CCDC60: variants seen among roughly 807,000 people sequenced by gnomAD.
CCDC60 encodes the protein coiled-coil domain containing 60.
CCDC60 carries 54 observed loss-of-function variants against 63.5 expected under a neutral mutation model. That is an observed-to-expected ratio of 0.85 (90% CI 0.68 to 1.07). The LOEUF (loss-of-function observed/expected upper bound fraction) is 1.07. Ranked by LOEUF, CCDC60 falls within the 50% of genes least tolerant of loss-of-function variation. The pLI is 0.00. For synonymous variants in CCDC60, 206 were observed against 238.8 expected (o/e 0.86, Z 1.27); for missense variants, 651 against 684.3 (o/e 0.95, Z 0.54).
intron 2 of CCDC60, among the ~76,000 whole-genome samples, chr12:119,469,145 G>A (rs1357234053): frequency 6.6e-6 from 1 of 152,132 alleles, no homozygotes; most frequent in Non-Finnish European, 1.5e-5. Context: ...AGTCAACAAT[G>A]TCCTGTGGAA....
At chr12:119,415,923 G>T (rs1038190250) in intron 1 of CCDC60, among the ~76,000 whole-genome samples, 9 of 152,084 alleles carry the variant, frequency 5.9e-5, no homozygotes, top group Non-Finnish European at 8.8e-5. Context: ...GCTGATCCCT[G>T]GATTAGATAA....
At chr12:119,439,037 T>C (rs1950381545) in intron 2 of CCDC60, among the ~76,000 whole-genome samples, 1 of 150,340 alleles carries the variant, frequency 6.7e-6, no homozygotes, top group Non-Finnish European at 1.5e-5. Context: ...CATCTTCTGC[T>C]CTCCAGGCTT....
intron 3 of CCDC60, among the ~76,000 whole-genome samples, chr12:119,476,829 G>A (rs550229364): frequency 1.6e-4 from 25 of 152,050 alleles, no homozygotes; most frequent in Non-Finnish European, 3.2e-4. Context: ...CTCCTCTACA[G>A]AGTCTTTACA....
chr12:119,438,582 G>A (rs1340698645), intron 2 of CCDC60, among the ~76,000 whole-genome samples: 8 of 151,760 alleles, frequency 5.3e-5, no homozygotes, highest in Non-Finnish European at 1.0e-4. Context: ...TGTTATGGGA[G>A]AGAGAGATAA....
chr12:119,431,790 T>C (rs1032310827), intron 2 of CCDC60, among the ~76,000 whole-genome samples: 1 of 152,208 alleles, frequency 6.6e-6, no homozygotes, highest in Non-Finnish European at 1.5e-5. Context: ...GCCATTCTCC[T>C]GCCTCAGCCT....
chr12:119,395,140 G>T (rs1473533945), intron 1 of CCDC60, among the ~76,000 whole-genome samples: 1 of 152,166 alleles, frequency 6.6e-6, no homozygotes, highest in Non-Finnish European at 1.5e-5. Context: ...AGTGTATCTG[G>T]GCAGAGGTGC....
chr12:119,354,181 C>G (rs934829189), intron 1 of CCDC60, among the ~76,000 whole-genome samples: 3 of 152,060 alleles, frequency 2.0e-5, no homozygotes, highest in Admixed American at 6.6e-5. Context: ...TCTTCCTATG[C>G]TTCCTTTTAG....
intron 1 of CCDC60, among the ~76,000 whole-genome samples, chr12:119,414,540 T>G (rs1956665857): frequency 6.6e-6 from 1 of 152,100 alleles, no homozygotes; most frequent in Non-Finnish European, 1.5e-5. Flanking sequence ...TTTTGGTTTT[T>G]GTTTTTATTT....
At chr12:119,346,330 C>G (rs1404618022) in intron 1 of CCDC60, among the ~76,000 whole-genome samples, 5 of 152,040 alleles carry the variant, frequency 3.3e-5, no homozygotes, top group Non-Finnish European at 7.4e-5. Flanking sequence ...GTGGCAGGTG[C>G]TATCATGACA....
chr12:119,499,696 G>C (rs1482706688), intron 5 of CCDC60, among the ~76,000 whole-genome samples: 1 of 152,152 alleles, frequency 6.6e-6, no homozygotes, highest in Non-Finnish European at 1.5e-5. Context: ...GTCCCTGATG[G>C]TGGACCCCTT....
At chr12:119,356,343 T>C (rs1955718180) in intron 1 of CCDC60, among the ~76,000 whole-genome samples, 1 of 152,196 alleles carries the variant, frequency 6.6e-6, no homozygotes, top group East Asian at 1.9e-4. Flanking sequence ...GAATGATACA[T>C]AGTTATCCAT....
intron 2 of CCDC60, among the ~76,000 whole-genome samples, chr12:119,468,528 T>A (rs1474759511): frequency 6.6e-6 from 1 of 152,112 alleles, no homozygotes; most frequent in Non-Finnish European, 1.5e-5. Context: ...ATCCAAAAAA[T>A]TTTACATGAG....
intron 1 of CCDC60, among the ~76,000 whole-genome samples, chr12:119,337,814 GTGTGTGTATT>G (rs1331210770): frequency 2.9e-5 from 4 of 136,972 alleles, no homozygotes; most frequent in African/African-American, 8.3e-5. Context: ...ACGCATGTGT[GTGTGTGTATT>G]TGTGTGTGTG....
intron 1 of CCDC60, among the ~76,000 whole-genome samples, chr12:119,368,552 C>A (rs78610871): frequency 0.011 from 1,739 of 152,232 alleles, 31 homozygotes; most frequent in African/African-American, 0.04. Flanking sequence ...TAAAGAATTA[C>A]GCCTTCCGAC....
rs151335212 is a variant in CCDC60, at chr12:119,422,453, A to T, written c.91-6230A>T. 3.5e-3 allele frequency among the ~76,000 whole-genome samples: 535 copies of T among 152,368 alleles called. 5 individuals carry two copies. The highest frequency in any genetic ancestry group is 3.8e-3 in the Non-Finnish European group (261 of 68,036). On this transcript the variant is annotated intron_variant, in intron 1 of 13. Transcript: ENST00000327554. ...GCTGCACAGGAAGCATGATGCTGGCATCTGGTCCTGGGGAGGCCTCAGGGA... is the reference window on the plus strand; with the variant it reads ...GCTGCACAGGAAGCATGATGCTGGCTTCTGGTCCTGGGGAGGCCTCAGGGA...
intron 11 of CCDC60, among the ~76,000 whole-genome samples, chr12:119,525,093 T>C (rs1049024664): frequency 6.6e-6 from 1 of 152,200 alleles, no homozygotes; most frequent in Non-Finnish European, 1.5e-5. Flanking sequence ...ATGAGGTAGG[T>C]GCTATCATTA....
At chr12:119,361,997 T>C (rs1955796066) in intron 1 of CCDC60, among the ~76,000 whole-genome samples, 1 of 152,124 alleles carries the variant, frequency 6.6e-6, no homozygotes, top group African/African-American at 2.4e-5. Context: ...CAGAGTAAAA[T>C]GAGGTGCATC....
intron 5 of CCDC60, 106 bp from the exon 6 acceptor site, chr12:119,499,972 C>A: frequency 1.2e-6 from 1 of 828,390 alleles, no homozygotes; most frequent in Non-Finnish European, 2.1e-6. Flanking sequence ...GAAATCCTAA[C>A]AGAGCCCAGC....
chr12:119,393,721 A>G (rs2136203176), intron 1 of CCDC60, among the ~76,000 whole-genome samples: 1 of 152,360 alleles, frequency 6.6e-6, no homozygotes, highest in Admixed American at 6.5e-5. Flanking sequence ...ACTCGTGCCC[A>G]CACCTGGACA....
Sources: gnomAD v4.1 joint callset for allele counts (sites outside exome capture counted in the v4.1 genomes callset) on GRCh38, gnomAD v4.1.1 for gene constraint, MANE v1.5 for transcripts, NCBI Gene and HGNC (gene_info 2026-07-23, HGNC 2026-07-21) for gene names.